AMPD3: variants seen among roughly 807,000 people sequenced by gnomAD.
The protein encoded by AMPD3 is adenosine monophosphate deaminase 3.
In AMPD3, 57 loss-of-function variants were observed where a neutral mutation model predicts 82.3. The ratio of observed to expected loss-of-function variants is 0.69; its 90% CI spans 0.56 to 0.86. The LOEUF is 0.86. Ranked by LOEUF, AMPD3 falls within the 40% of genes least tolerant of loss-of-function variation. AMPD3 has a pLI of 0.00. For synonymous variants in AMPD3, 381 were observed against 394.7 expected (o/e 0.97, Z 0.41); for missense variants, 870 against 1,003.8 (o/e 0.87, Z 1.80).
At chr11:10,471,774 G>C (rs11042826) in intron 2 of AMPD3, among the ~76,000 whole-genome samples, 92 of 152,166 alleles carry the variant, frequency 6.0e-4, no homozygotes, top group Non-Finnish European at 4.7e-4. Flanking sequence ...TTAGAATGGC[G>C]ATCATTAAAA....
intron 2 of AMPD3, among the ~76,000 whole-genome samples, chr11:10,465,960 GCAAACTAAGATC>G (rs1285227628): frequency 6.6e-6 from 1 of 151,920 alleles, no homozygotes; most frequent in Non-Finnish European, 1.5e-5. Context: ...ATGGAGCCCA[GCAAACTAAGATC>G]CACTGGTGGC....
intron 9 of AMPD3, 106 bp downstream of exon 9, chr11:10,495,839 C>A: frequency 1.4e-6 from 2 of 1,412,084 alleles, no homozygotes; most frequent in Admixed American, 3.7e-5. Context: ...TGTTCTGGTG[C>A]CAGCTTACGC....
rs973616585 is a variant in AMPD3, at chr11:10,506,608, G to C, written c.*724G>C. On this transcript the variant is annotated 3_prime_UTR_variant, in exon 15 of 15. Transcript: ENST00000396553. This position sits in a 1 kb window ranked among gnomAD's most constrained non-coding sequence, Gnocchi z 4.1. ...AGGGAAGGGAGTGAGTGATGCTCAG[G>C]GGCTGTCAAAGTGACTGCGTTCATC... The C allele has an allele frequency of 7.2e-5, 11 of 153,100 alleles. No homozygotes were observed. Among genetic ancestry groups the C allele is most frequent in the African/African-American group, 2.7e-4 (11 of 41,424 alleles). The allele number at this position is 153,100 out of a possible 1,614,324, so 9.5% of individuals were successfully genotyped here. A position where few individuals can be genotyped will look rare whatever the true frequency, so the allele number is the denominator to read the frequency against.
At chr11:10,463,895 C>G (rs139314618) in intron 2 of AMPD3, among the ~76,000 whole-genome samples, 1 of 152,304 alleles carries the variant, frequency 6.6e-6, no homozygotes, top group African/African-American at 2.4e-5. Context: ...AGTTGGTGGG[C>G]AGTGGATGTC....
intron 1 of AMPD3, chr11:10,461,252 G>T (rs971134546): frequency 2.9e-6 from 4 of 1,359,882 alleles, no homozygotes; most frequent in Non-Finnish European, 3.8e-6. Context: ...TGGGAAAATG[G>T]AAGCCCACCT....
At chr11:10,488,191 AG>A in intron 6 of AMPD3, 3 of 985,366 alleles carry the variant, frequency 3.0e-6, no homozygotes, top group Non-Finnish European at 3.6e-6. Flanking sequence ...CAACTGCGGT[AG>A]GAGCGAAGGT....
intron 6 of AMPD3, among the ~76,000 whole-genome samples, chr11:10,488,888 C>G (rs564030938): frequency 6.6e-6 from 1 of 152,166 alleles, no homozygotes; most frequent in South Asian, 2.1e-4. Flanking sequence ...GCCTCCCTGA[C>G]CCCCTGGCTG....
chr11:10,501,071 T>C (rs999100267), intron 11 of AMPD3: 1 of 985,276 alleles, frequency 1.0e-6, no homozygotes, highest in African/African-American at 1.7e-5. Context: ...TTCAGTGGCA[T>C]GGAACATAGA....
chr11:10,496,544 AT>A, intron 9 of AMPD3: 1 of 985,464 alleles, frequency 1.0e-6, no homozygotes, highest in Non-Finnish European at 1.2e-6. Flanking sequence ...GTCAGCCAGA[AT>A]GCCACCATCC....
chr11:10,505,778 A>G lies in AMPD3; in HGVS notation c.2198A>G (p.Asn733Ser). 6.2e-7 allele frequency: 1 copy of G among 1,614,196 alleles called. No homozygotes were observed. The highest frequency in any genetic ancestry group is 8.5e-7 in the Non-Finnish European group (1 of 1,180,042). The change falls in exon 15 of 15, where the codon AAT (asparagine) becomes AGT (serine). Residue 733 changes from asparagine to serine, a missense_variant. Asn to Ser is a conservative substitution (Grantham distance 46, BLOSUM62 1). Transcript: ENST00000396553. ...GAAGGAAATGATATTCGAAAGACAA[A>G]TGTGGCTCAGATCCGGATGGCATTC... is the stretch of plus-strand genomic sequence containing the variant. ...GPEGNDIRKT[N>S]VAQIRMAFRY... is the part of the protein sequence containing the mutation.
At chr11:10,504,862 G>C (rs1849674707) in intron 14 of AMPD3, among the ~76,000 whole-genome samples, 1 of 152,184 alleles carries the variant, frequency 6.6e-6, no homozygotes, top group South Asian at 2.1e-4. Flanking sequence ...CGCCTCCTTG[G>C]AGAGGCCTTC....
rs919174201 is a variant in AMPD3 at position 10,456,910 on chromosome 11, A to C, written c.-6+1462A>C. Among the ~76,000 whole-genome samples, 1 of 151,694 alleles carries C rather than the reference A, an allele frequency of 6.6e-6. No homozygotes were observed. Among genetic ancestry groups the C allele is most frequent in the African/African-American group, 2.4e-5 (1 of 41,222 alleles). On this transcript the variant is annotated intron_variant, in intron 1 of 14. Transcript: ENST00000396553. This position sits in a 1 kb window ranked among gnomAD's most constrained non-coding sequence, Gnocchi z 4.3. ...AGCTGCTAAGGCCTGCAGCACCCCA[A>C]GTGGGTTACTTGGTCCATACTAAGA...
At chr11:10,483,574 C>T (rs1230330461) in intron 4 of AMPD3, among the ~76,000 whole-genome samples, 1 of 152,242 alleles carries the variant, frequency 6.6e-6, no homozygotes, top group Non-Finnish European at 1.5e-5. Flanking sequence ...GGGTTCTGGG[C>T]ATGAGTATGG....
At chr11:10,495,218 C>A (rs1849358274) in intron 8 of AMPD3, 188 bp downstream of exon 8, 1 of 985,268 alleles carries the variant, frequency 1.0e-6, no homozygotes, top group African/African-American at 1.7e-5. Flanking sequence ...GCTGCATGTG[C>A]CAACTGCAGG....
chr11:10,497,102 A>G (rs1262535106), intron 10 of AMPD3, among the ~76,000 whole-genome samples, 164 bp downstream of exon 10: 2 of 152,066 alleles, frequency 1.3e-5, no homozygotes, highest in Non-Finnish European at 2.9e-5. Flanking sequence ...TAGATTTCTA[A>G]AAAGTCCCCT....
intron 8 of AMPD3, 77 bp from the exon 9 acceptor site, chr11:10,495,493 C>T (rs1324939309): frequency 1.2e-6 from 2 of 1,609,188 alleles, no homozygotes; most frequent in African/African-American, 1.3e-5. Context: ...GCAACAGGAC[C>T]CTGCTGGTGA....
chr11:10,458,254 T>TAA (rs374036957), intron 1 of AMPD3, among the ~76,000 whole-genome samples: 15,476 of 91,256 alleles, frequency 0.17, 1,648 homozygotes, highest in Middle Eastern at 0.21. Context: ...ACCTCATCTC[T>TAA]AAAAAAAAAA....
rs1849674564 is a variant in AMPD3, at chr11:10,504,854, C to T, written c.2127+195C>T. 2.0e-5 allele frequency among the ~76,000 whole-genome samples: 3 copies of T among 152,194 alleles called. No homozygotes were observed. In the South Asian group the frequency reaches 6.2e-4, roughly 32 times the overall value. ...TCCTCACCCTTCTCAGACCTCTACG[C>T]CTCCTTGGAGAGGCCTTCCCTGATC... On this transcript the variant is annotated intron_variant, in intron 14 of 14. Coordinates refer to ENST00000396553, the MANE Select transcript of AMPD3 (RefSeq NM_001025389.2).
At chr11:10,465,123 C>T (rs1340391609) in intron 2 of AMPD3, among the ~76,000 whole-genome samples, 1 of 152,194 alleles carries the variant, frequency 6.6e-6, no homozygotes, top group African/African-American at 2.4e-5. Context: ...ACAAAAAATC[C>T]TTAGCGCAGT....
Sources: allele counts gnomAD v4.1 joint callset (sites outside exome capture counted in the v4.1 genomes callset), GRCh38; gene constraint gnomAD v4.1.1; non-coding constraint Gnocchi (gnomAD v3.1); transcripts MANE v1.5; gene names NCBI Gene and HGNC (gene_info 2026-07-23, HGNC 2026-07-21).